The following NTSR1 variants were observed in gnomAD, a reference collection of about 807,000 sequenced individuals.
The protein encoded by NTSR1 is neurotensin receptor 1, also known as neurotensin receptor type 1.
Under a neutral mutation model 31.2 loss-of-function variants are expected in NTSR1, and 29 were observed. That is an observed-to-expected ratio of 0.93 (90% CI 0.69 to 1.27). The LOEUF (loss-of-function observed/expected upper bound fraction) is 1.27, where lower values mean the gene tolerates loss of function less well. Ranked by LOEUF, NTSR1 falls within the 50% of genes most tolerant of loss-of-function variation. The pLI is 0.00. For missense variants in NTSR1, 697 were observed against 595.4 expected (o/e 1.17, Z -1.78); for synonymous variants, 282 against 269.9 (o/e 1.04, Z -0.44).
In NTSR1 at chr20:62,709,846, C is replaced by T. The variant is rs760756558; in HGVS notation, c.639C>T (p.Ser213=). The T allele has an allele frequency of 5.0e-6, 8 of 1,609,210 alleles. No individual in the cohort carries two copies. The highest frequency in any genetic ancestry group is 4.0e-5 in the African/African-American group (3 of 74,856). ...MLFTMGEQNR[S]ADGQHAGGLV... is the part of the protein sequence containing the mutation. ...TCACCATGGGCGAGCAGAACCGCAGCGCCGACGGCCAGCACGCCGGCGGCC... is the reference window on the plus strand; with the variant it reads ...TCACCATGGGCGAGCAGAACCGCAGTGCCGACGGCCAGCACGCCGGCGGCC... The change falls in exon 1 of 4, where the codon AGC becomes AGT. Residue 213 remains serine (S), a synonymous_variant. Coordinates refer to ENST00000370501, the MANE Select transcript of NTSR1 (RefSeq NM_002531.3).
chr20:62,755,835 C>A (rs1989501962), intron 2 of NTSR1, among the ~76,000 whole-genome samples: 1 of 59,522 alleles, frequency 1.7e-5, no homozygotes, highest in Non-Finnish European at 3.3e-5. Context: ...CCATCCATCC[C>A]TCCCTCCCTC....
intron 1 of NTSR1, among the ~76,000 whole-genome samples, chr20:62,747,771 CA>C (rs59083716): frequency 0.18 from 27,850 of 151,156 alleles, 3,473 homozygotes; most frequent in African/African-American, 0.36. Context: ...AAAACAAAAA[CA>C]AAAAAAAACT....
Position 62,709,282 on chromosome 20 carries a change from A to C in NTSR1, c.75A>C (p.Gly25=). The change falls in exon 1 of 4, where the codon GGA becomes GGC. Residue 25 remains glycine (G), a synonymous_variant. Coordinates refer to ENST00000370501, the MANE Select transcript of NTSR1 (RefSeq NM_002531.3). ...ACCCCTTCCAGCGGGCGCAGGCCGG[A>C]CTGGAGGAGGCGCTGCTGGCCCCGG... The part of the protein sequence containing the change: ...AADPFQRAQA[G]LEEALLAPGF... 1 of 1,582,286 alleles carries C rather than the reference A, an allele frequency of 6.3e-7. No homozygotes were observed. The highest frequency in any genetic ancestry group is 8.6e-7 in the Non-Finnish European group (1 of 1,169,086).
intron 1 of NTSR1, 106 bp from the exon 2 acceptor site, chr20:62,754,579 T>C (rs991155367): frequency 1.1e-6 from 1 of 919,332 alleles, no homozygotes; most frequent in Non-Finnish European, 1.7e-6. Context: ...ACTGAGCACC[T>C]CACACTGAGC....
chr20:62,743,797 T>TC lies in NTSR1; in HGVS notation c.715-10887dup, dbSNP rs1186212391. On this transcript the variant is annotated intron_variant, in intron 1 of 3. Transcript: ENST00000370501. The surrounding 1 kb of genome is among the most constrained non-coding windows in gnomAD (Gnocchi z 7.5). ...CAGAATACAAAACAAGCAATTGCTC[T>TC]CGAAGAGCGAGGTGAGAACGCCCTG... 6.6e-6 allele frequency among the ~76,000 whole-genome samples: 1 copy of TC among 152,002 alleles called. No homozygotes were observed. Among genetic ancestry groups the TC allele is most frequent in the Non-Finnish European group, 1.5e-5 (1 of 68,006 alleles).
intron 1 of NTSR1, among the ~76,000 whole-genome samples, chr20:62,719,922 G>A (rs927346116): frequency 6.6e-6 from 1 of 152,206 alleles, no homozygotes; most frequent in African/African-American, 2.4e-5. Context: ...GAATTGGCAT[G>A]ATTTCCTCTT....
chr20:62,723,242 G>A (rs1314512944), intron 1 of NTSR1, among the ~76,000 whole-genome samples: 1 of 152,240 alleles, frequency 6.6e-6, no homozygotes, highest in Admixed American at 6.5e-5. Flanking sequence ...GGAGCTGTTT[G>A]GGAATCATTC....
At chr20:62,759,042 G>GCCTTGCCAGCTGGCCAT (rs1159455067) in intron 3 of NTSR1, among the ~76,000 whole-genome samples, 7 of 152,254 alleles carry the variant, frequency 4.6e-5, no homozygotes, top group Non-Finnish European at 8.8e-5. Context: ...CCAGAGGCCA[G>GCCTTGCCAGCTGGCCAT]CCTTGCCAGC....
rs1391543457 is a variant in NTSR1 at position 62,758,900 on chromosome 20, A to G, written c.1007+544A>G. ...TCCCAGAGGAGCCTCACAGGACGAT[A>G]TGGGGGCCGATCACAGGGGCACCCA... On this transcript the variant is annotated intron_variant, in intron 3 of 3. Transcript: ENST00000370501. The surrounding 1 kb of genome is among the most constrained non-coding windows in gnomAD (Gnocchi z 4.5). Among the ~76,000 whole-genome samples the G allele has an allele frequency of 6.6e-6, 1 of 152,160 alleles. No individual in the cohort carries two copies. The highest frequency in any genetic ancestry group is 1.5e-5 in the Non-Finnish European group (1 of 68,026).
At chr20:62,737,402 G>A (rs1322162416) in intron 1 of NTSR1, among the ~76,000 whole-genome samples, 1 of 152,170 alleles carries the variant, frequency 6.6e-6, no homozygotes. Flanking sequence ...GTGTCCAGAG[G>A]TGAAATGGCT....
chr20:62,718,477 T>C (rs1181819261), intron 1 of NTSR1, among the ~76,000 whole-genome samples: 1 of 152,170 alleles, frequency 6.6e-6, no homozygotes, highest in African/African-American at 2.4e-5. Context: ...CTTCGATAAA[T>C]GCAGCCATGT....
intron 1 of NTSR1, among the ~76,000 whole-genome samples, chr20:62,713,950 A>G (rs1278309372): frequency 6.6e-6 from 1 of 152,170 alleles, no homozygotes; most frequent in East Asian, 1.9e-4. Context: ...AAATACAAAA[A>G]TTAGCTGGGC....
chr20:62,732,458 G>A lies in NTSR1; in HGVS notation c.715-22227G>A, dbSNP rs1989015971. On this transcript the variant is annotated intron_variant, in intron 1 of 3. Transcript: ENST00000370501. This position sits in a 1 kb window ranked among gnomAD's most constrained non-coding sequence, Gnocchi z 4.0. ...TTCGATAATCTGTTTCCGAACCCTG[G>A]AGCAGCCTCGCATGCCTGGAATAAA... 6.6e-6 allele frequency: 1 copy of A among 152,206 alleles called. No homozygotes were observed. The highest frequency in any genetic ancestry group is 2.1e-4 in the South Asian group (1 of 4,830). The allele number at this position is 152,206 out of a possible 1,614,324, so 9.4% of individuals were successfully genotyped here.
intron 2 of NTSR1, among the ~76,000 whole-genome samples, chr20:62,755,116 C>CCCTCCCTCCATCCATCCATCCCTT (rs1989463248): frequency 6.7e-6 from 1 of 148,260 alleles, no homozygotes; most frequent in African/African-American, 2.5e-5. Flanking sequence ...ATCCTTCCCT[C>CCCTCCCTCCATCCATCCATCCCTT]CCTCCCTCCA....
chr20:62,720,378 C>A (rs1331917377), intron 1 of NTSR1, among the ~76,000 whole-genome samples: 2 of 152,160 alleles, frequency 1.3e-5, no homozygotes, highest in Admixed American at 6.5e-5. Flanking sequence ...TAATTTGTAT[C>A]TTTTGAGGAA....
At chr20:62,739,782 G>A (rs1002226046) in intron 1 of NTSR1, among the ~76,000 whole-genome samples, 20 of 152,290 alleles carry the variant, frequency 1.3e-4, no homozygotes, top group African/African-American at 4.3e-4. Context: ...TGTCTGCATG[G>A]CAGAAAAGCA....
Position 62,733,835 on chromosome 20 carries a change from G to T in NTSR1, c.715-20850G>T, listed in dbSNP as rs969110711. ...CTCCCTACCCTTGCCTGGGGTCTCA[G>T]CTGAGAGAGGGAAGGCTCTGTGCTG... On this transcript the variant is annotated intron_variant, in intron 1 of 3. Transcript: ENST00000370501. The surrounding 1 kb of genome is among the most constrained non-coding windows in gnomAD (Gnocchi z 5.2). 6.6e-6 allele frequency among the ~76,000 whole-genome samples: 1 copy of T among 152,182 alleles called. No individual in the cohort carries two copies. The highest frequency in any genetic ancestry group is 6.5e-5 in the Admixed American group (1 of 15,288).
At chr20:62,750,377 T>C (rs1213351203) in intron 1 of NTSR1, among the ~76,000 whole-genome samples, 1 of 152,050 alleles carries the variant, frequency 6.6e-6, no homozygotes, top group East Asian at 1.9e-4. Flanking sequence ...TGAGGTATGG[T>C]GTGAGGACCA....
intron 1 of NTSR1, among the ~76,000 whole-genome samples, chr20:62,725,743 C>T (rs1198762364): frequency 6.6e-6 from 1 of 152,084 alleles, no homozygotes; most frequent in Non-Finnish European, 1.5e-5. Context: ...GGTATCACCC[C>T]CCACCTTGAA....
Sources: gnomAD v4.1 joint callset for allele counts (sites outside exome capture counted in the v4.1 genomes callset) on GRCh38, gnomAD v4.1.1 for gene constraint, Gnocchi (gnomAD v3.1) non-coding constraint, MANE v1.5 for transcripts, NCBI Gene and HGNC (gene_info 2026-07-23, HGNC 2026-07-21) for gene names.